Variants in NTRK3 observed in about 807,000 individuals in gnomAD.
The protein encoded by NTRK3 is NT-3 growth factor receptor.
A neutral mutation model predicts 91.7 loss-of-function variants in NTRK3; 24 were observed. The observed-to-expected ratio is 0.26, with a 90% CI of 0.19 to 0.37. The LOEUF is 0.37. NTRK3 is among the 10% of genes least tolerant of loss of function. NTRK3 has a pLI of 1.00. For missense variants in NTRK3, 880 were observed against 1,068.9 expected, an observed-to-expected ratio of 0.82 and a Z score of 2.46; for synonymous variants, 483 against 404.0, an observed-to-expected ratio of 1.20 and a Z score of -2.34.
At chr15:87,904,243 G>A (rs1046384850) in intron 17 of NTRK3, among the ~76,000 whole-genome samples, 8 of 150,690 alleles carry the variant, frequency 5.3e-5, no homozygotes, top group Non-Finnish European at 7.4e-5. Context: ...CTCAGTTTCC[G>A]GGGTTCAAGT....
intron 17 of NTRK3, chr15:87,916,268 T>A (rs1284478606): frequency 3.0e-6 from 1 of 334,420 alleles, no homozygotes; most frequent in East Asian, 4.2e-5. Context: ...TGTATGGAAA[T>A]TTATGTATCT....
chr15:87,980,688 A>G (rs1209640494), intron 14 of NTRK3, among the ~76,000 whole-genome samples: 1 of 152,158 alleles, frequency 6.6e-6, no homozygotes, highest in East Asian at 1.9e-4. Context: ...GATTGCATTG[A>G]GACTTTCCTG....
rs186889612 is a variant in NTRK3, at chr15:88,148,100, C to A, written c.396-697G>T. Among the ~76,000 whole-genome samples the A allele has an allele frequency of 8.0e-4, 122 of 152,334 alleles. 1 individual carries two copies. Among genetic ancestry groups the A allele is most frequent in the African/African-American group, 2.7e-3 (111 of 41,572 alleles). On this transcript the variant is annotated intron_variant, in intron 5 of 18. Transcript: ENST00000394480. The stretch of plus-strand genomic sequence containing the variant: ...TAGAATTGAAGTGGCATCCCAGGAA[C>A]AATGTACTCATCTACTGATGGGAAC...
intron 13 of NTRK3, among the ~76,000 whole-genome samples, chr15:88,080,004 A>T (rs1012941002): frequency 6.6e-6 from 1 of 152,202 alleles, no homozygotes; most frequent in Non-Finnish European, 1.5e-5. Flanking sequence ...CAAATACCGT[A>T]AATATTTTTC....
chr15:88,138,248 CA>C (rs1427760106), intron 6 of NTRK3, among the ~76,000 whole-genome samples: 1 of 148,960 alleles, frequency 6.7e-6, no homozygotes, highest in African/African-American at 2.5e-5. Flanking sequence ...ACTAAAAATA[CA>C]AAAACAAAAA....
intron 14 of NTRK3, among the ~76,000 whole-genome samples, chr15:87,988,587 T>C (rs549464583): frequency 6.6e-6 from 1 of 152,342 alleles, no homozygotes; most frequent in Non-Finnish European, 1.5e-5. Flanking sequence ...AATAAAAAGC[T>C]GATTTAAAAT....
chr15:88,119,949 A>AATTC (rs1401217087), intron 13 of NTRK3, among the ~76,000 whole-genome samples: 1 of 152,120 alleles, frequency 6.6e-6, no homozygotes, highest in Non-Finnish European at 1.5e-5. Context: ...TTCCAGTACC[A>AATTC]ATTCCCCTGC....
At chr15:87,994,068 T>C (rs1209592377) in intron 14 of NTRK3, among the ~76,000 whole-genome samples, 1 of 152,094 alleles carries the variant, frequency 6.6e-6, no homozygotes, top group East Asian at 1.9e-4. Flanking sequence ...GAGAGAGGCA[T>C]ACACCCACAG....
chr15:88,025,272 T>C (rs769264064), intron 14 of NTRK3, among the ~76,000 whole-genome samples: 1 of 152,272 alleles, frequency 6.6e-6, no homozygotes, highest in South Asian at 2.1e-4. Flanking sequence ...TAGATATTTA[T>C]GCAAATGAGT....
chr15:88,089,726 C>G (rs1468101741), intron 13 of NTRK3, among the ~76,000 whole-genome samples: 1 of 152,196 alleles, frequency 6.6e-6, no homozygotes, highest in Non-Finnish European at 1.5e-5. Flanking sequence ...ACCTGTGCTA[C>G]TGGACCCAGC....
chr15:87,979,185 A>G (rs2073985862), intron 14 of NTRK3: 1 of 686,806 alleles, frequency 1.5e-6, no homozygotes, highest in Admixed American at 2.2e-5. Flanking sequence ...GGGGGAAAAC[A>G]CCCATCTGGT....
In NTRK3 at chr15:87,886,764, ATT is replaced by A. The variant is rs1491488361; in HGVS notation, c.2134-6338_2134-6337del. ...CACACACACACACATATATATATATATTTCTATGCTGTTTGAAATTTTGTGAT... is the reference window on the plus strand; with the variant it reads ...CACACACACACACATATATATATATATCTATGCTGTTTGAAATTTTGTGAT... On this transcript the variant is annotated intron_variant, in intron 17 of 18. Coordinates refer to ENST00000394480, the Ensembl canonical transcript of NTRK3. Among the ~76,000 whole-genome samples the A allele has an allele frequency of 7.8e-3, 1,137 of 145,772 alleles. 10 individuals are homozygous for A. Among genetic ancestry groups the A allele is most frequent in the African/African-American group, 0.021 (844 of 39,934 alleles).
intron 5 of NTRK3, among the ~76,000 whole-genome samples, chr15:88,153,917 G>T (rs2043637042): frequency 6.6e-6 from 1 of 151,596 alleles, no homozygotes; most frequent in Admixed American, 6.6e-5. Context: ...CGAATTTTGG[G>T]GGCACATAAA....
chr15:88,089,573 G>A (rs947396458), intron 13 of NTRK3, among the ~76,000 whole-genome samples: 1 of 152,196 alleles, frequency 6.6e-6, no homozygotes, highest in Non-Finnish European at 1.5e-5. Flanking sequence ...ATATTAATAA[G>A]TAGCAAAAGT....
intron 3 of NTRK3, among the ~76,000 whole-genome samples, chr15:88,218,364 C>T (rs1847319635): frequency 6.6e-6 from 1 of 152,208 alleles, no homozygotes; most frequent in African/African-American, 2.4e-5. Context: ...CCTGGGATGT[C>T]AACCTTGCCT....
At chr15:88,148,439 C>T (rs778889595) in intron 5 of NTRK3, among the ~76,000 whole-genome samples, 7 of 152,016 alleles carry the variant, frequency 4.6e-5, no homozygotes, top group East Asian at 1.9e-4. Flanking sequence ...TACAGGAGTG[C>T]GGAGGGCTCA....
chr15:87,908,894 T>C (rs1211961233), intron 17 of NTRK3, among the ~76,000 whole-genome samples: 1 of 151,818 alleles, frequency 6.6e-6, no homozygotes, highest in Non-Finnish European at 1.5e-5. Flanking sequence ...GAAGACGCAA[T>C]GGGCTTCCCT....
intron 14 of NTRK3, among the ~76,000 whole-genome samples, chr15:88,012,906 A>G (rs996869494): frequency 1.3e-5 from 2 of 152,240 alleles, no homozygotes; most frequent in African/African-American, 4.8e-5. Context: ...TTGCATTTCT[A>G]ACAAGTTTCC....
chr15:88,158,983 G>A (rs552923054), intron 5 of NTRK3, among the ~76,000 whole-genome samples: 1 of 152,354 alleles, frequency 6.6e-6, no homozygotes, highest in African/African-American at 2.4e-5. Flanking sequence ...GGATAGAGAG[G>A]GAGAAGGGAA....
Sources: allele counts gnomAD v4.1 joint callset (sites outside exome capture counted in the v4.1 genomes callset), GRCh38; gene constraint gnomAD v4.1.1; transcripts MANE v1.5; gene names NCBI Gene and HGNC (gene_info 2026-07-23, HGNC 2026-07-21).